DRAM1: variants seen among roughly 807,000 people sequenced by gnomAD.
The protein encoded by DRAM1 is DNA damage-regulated autophagy modulator protein 1.
Under a neutral mutation model 28.5 loss-of-function variants are expected in DRAM1, and 25 were observed. The observed-to-expected ratio is 0.88, with a 90% CI of 0.64 to 1.23. The LOEUF (loss-of-function observed/expected upper bound fraction) is 1.23. DRAM1 is among the 50% of genes most tolerant of loss of function. The pLI, the probability that DRAM1 is intolerant of heterozygous loss-of-function variation, is 0.00. For missense variants in DRAM1, 249 were observed against 299.2 expected (o/e 0.83, Z 1.24); for synonymous variants, 113 against 114.2 (o/e 0.99, Z 0.07).
chr12:101,915,084 A>G (rs1468200489), intron 5 of DRAM1, among the ~76,000 whole-genome samples: 1 of 150,670 alleles, frequency 6.6e-6, no homozygotes, highest in Non-Finnish European at 1.5e-5. Flanking sequence ...GGTTCATGCC[A>G]TTCTCCTGCC....
chr12:101,900,415 C>T (rs1237027764), intron 2 of DRAM1, among the ~76,000 whole-genome samples: 1 of 151,902 alleles, frequency 6.6e-6, no homozygotes, highest in African/African-American at 2.4e-5. Context: ...AATAGCAGAG[C>T]AGAAGAAAAT....
intron 1 of DRAM1, among the ~76,000 whole-genome samples, chr12:101,888,213 T>C (rs1872960063): frequency 6.6e-6 from 1 of 152,088 alleles, no homozygotes; most frequent in Non-Finnish European, 1.5e-5. Flanking sequence ...CACTGCAGCC[T>C]CCTCCTCCTG....
chr12:101,915,520 A>G (rs1276771199), intron 5 of DRAM1, among the ~76,000 whole-genome samples: 1 of 149,736 alleles, frequency 6.7e-6, no homozygotes, highest in Non-Finnish European at 1.5e-5. Context: ...TACTTGGCCT[A>G]GGTGACCAGA....
intron 4 of DRAM1, among the ~76,000 whole-genome samples, chr12:101,912,731 A>ATTT (rs10530801): frequency 6.2e-5 from 8 of 128,638 alleles, no homozygotes; most frequent in Non-Finnish European, 6.5e-5. Flanking sequence ...TTGGCTCAAC[A>ATTT]TTTTTTTTTT....
rs12318830 is a variant in DRAM1 at position 101,888,692 on chromosome 12, G to A, written c.132-9171G>A. Among the ~76,000 whole-genome samples the A allele has an allele frequency of 9.3e-3, 1,407 of 150,512 alleles. 25 individuals carry two copies. Among genetic ancestry groups the A allele is most frequent in the African/African-American group, 0.032 (1,313 of 41,004 alleles). The stretch of plus-strand genomic sequence containing the variant: ...TTCTCAGTGAATTAAGTAAAATTAT[G>A]AATATTTTTCTTCTATTTTTCCTTT... On this transcript the variant is annotated intron_variant, in intron 1 of 6. Coordinates refer to ENST00000258534, the MANE Select transcript of DRAM1 (RefSeq NM_018370.3).
intron 1 of DRAM1, among the ~76,000 whole-genome samples, chr12:101,892,775 G>A (rs1479692602): frequency 6.6e-6 from 1 of 151,906 alleles, no homozygotes; most frequent in Non-Finnish European, 1.5e-5. Context: ...TCTACACTTA[G>A]TGTAAATAAA....
At chr12:101,897,176 A>G (rs1347497340) in intron 1 of DRAM1, among the ~76,000 whole-genome samples, 2 of 150,688 alleles carry the variant, frequency 1.3e-5, no homozygotes, top group African/African-American at 4.9e-5. Context: ...TAACATGCCA[A>G]TATTAGAATT....
Position 101,877,824 on chromosome 12 carries a change from C to G in DRAM1, c.35C>G (p.Pro12Arg). Residue 12 changes from proline to arginine, a missense_variant, in exon 1 of 7, where the codon CCC becomes CGC. Pro to Arg is a moderately radical substitution (Grantham distance 103, BLOSUM62 -2). Around this residue, in one of 3 missense-constraint regions of DRAM1, gnomAD observed 218 missense variants for 243.1 expected, o/e 0.90. Coordinates refer to ENST00000258534, the MANE Select transcript of DRAM1 (RefSeq NM_018370.3). The surrounding 1 kb of genome is among the most constrained non-coding windows in gnomAD (Gnocchi z 4.1). The stretch of plus-strand genomic sequence containing the variant: ...TTCCTGAGGGGAATGGCTTTCGTCC[C>G]CTTCCTCTTGGTGACCTGGTCGTCA... ...LCFLRGMAFV[P>R]FLLVTWSSAA... is the part of the protein sequence containing the mutation. 1 of 1,546,882 alleles carries G rather than the reference C, an allele frequency of 6.5e-7. No homozygotes were observed. Among genetic ancestry groups the G allele is most frequent in the Non-Finnish European group, 8.7e-7 (1 of 1,144,924 alleles).
At chr12:101,906,958 AGACTGGCACAGGGGCTGCCTT>A (rs1873838922) in intron 3 of DRAM1, among the ~76,000 whole-genome samples, 1 of 151,794 alleles carries the variant, frequency 6.6e-6, no homozygotes, top group Admixed American at 6.6e-5. Context: ...CTTTCTGCCT[AGACTGGCACAGGGGCTGCCTT>A]CTGGTTGAAA....
chr12:101,879,485 T>G (rs1872613580), intron 1 of DRAM1, among the ~76,000 whole-genome samples: 1 of 152,216 alleles, frequency 6.6e-6, no homozygotes. Flanking sequence ...CTCACTATAT[T>G]GCCCAGGCTG....
chr12:101,878,858 A>T (rs1872589408), intron 1 of DRAM1, among the ~76,000 whole-genome samples: 1 of 151,820 alleles, frequency 6.6e-6, no homozygotes, highest in Non-Finnish European at 1.5e-5. Context: ...TCTTCCCTGC[A>T]GCCATTCTGT....
Position 101,877,859 on chromosome 12 carries a change from A to C in DRAM1, c.70A>C (p.Ile24Leu). Residue 24 changes from isoleucine (I) to leucine (L), a missense_variant, in exon 1 of 7, where the codon ATT becomes CTT. Transcript: ENST00000258534. The surrounding 1 kb of genome is among the most constrained non-coding windows in gnomAD (Gnocchi z 4.1). ...GGTGACCTGGTCGTCAGCCGCCTTCATTATCTCCTACGTGGTCGCCGTGCT... is the reference window on the plus strand; with the variant it reads ...GGTGACCTGGTCGTCAGCCGCCTTCCTTATCTCCTACGTGGTCGCCGTGCT... Reference protein sequence around the residue: ...LLVTWSSAAFIISYVVAVLSG... With the variant: ...LLVTWSSAAFLISYVVAVLSG... 4 of 1,547,566 alleles carry C rather than the reference A, an allele frequency of 2.6e-6. No individual in the cohort carries two copies. Among genetic ancestry groups the C allele is most frequent in the Non-Finnish European group, 3.5e-6 (4 of 1,144,888 alleles).
At chr12:101,912,881 C>A (rs1874097819) in intron 4 of DRAM1, among the ~76,000 whole-genome samples, 1 of 152,014 alleles carries the variant, frequency 6.6e-6, no homozygotes, top group Non-Finnish European at 1.5e-5. Context: ...GTGCACGCCA[C>A]CATGCCCAGC....
At chr12:101,883,505 G>A (rs1332874563) in intron 1 of DRAM1, among the ~76,000 whole-genome samples, 4 of 151,208 alleles carry the variant, frequency 2.6e-5, no homozygotes, top group Admixed American at 6.6e-5. Context: ...TAGTAGAGAC[G>A]GGGTTTCACC....
At chr12:101,891,083 G>T (rs1014145445) in intron 1 of DRAM1, among the ~76,000 whole-genome samples, 9 of 152,158 alleles carry the variant, frequency 5.9e-5, no homozygotes, top group Non-Finnish European at 1.2e-4. Flanking sequence ...ATCACCAAGT[G>T]AAGCTGCCAG....
At chr12:101,915,795 C>A (rs769748855) in intron 5 of DRAM1, among the ~76,000 whole-genome samples, 2 of 152,022 alleles carry the variant, frequency 1.3e-5, no homozygotes, top group Admixed American at 1.3e-4. Flanking sequence ...CTCTGCACCT[C>A]GTGATCTGCC....
chr12:101,878,892 T>G (rs369477014), intron 1 of DRAM1, among the ~76,000 whole-genome samples: 6 of 151,768 alleles, frequency 4.0e-5, no homozygotes, highest in East Asian at 1.9e-4. Context: ...TTCTGTGTTT[T>G]TTTGTTTGTT....
At chr12:101,887,145 C>CAAAAAAAAAAA (rs10654713) in intron 1 of DRAM1, among the ~76,000 whole-genome samples, 1 of 128,986 alleles carries the variant, frequency 7.8e-6, no homozygotes. Context: ...AACTCCGTTT[C>CAAAAAAAAAAA]AAAAAAAAAA....
intron 4 of DRAM1, among the ~76,000 whole-genome samples, chr12:101,913,647 A>G (rs988341597): frequency 1.4e-5 from 2 of 144,272 alleles, no homozygotes; most frequent in African/African-American, 5.2e-5. Flanking sequence ...TGGAGGTTGC[A>G]GTGAGCTGAG....
Sources: gnomAD v4.1 joint callset for allele counts (sites outside exome capture counted in the v4.1 genomes callset) on GRCh38, gnomAD v4.1.1 for gene constraint, gnomAD v4.1.1 regional missense constraint, Gnocchi (gnomAD v3.1) non-coding constraint, MANE v1.5 for transcripts, NCBI Gene and HGNC (gene_info 2026-07-23, HGNC 2026-07-21) for gene names.